The following HS6ST3 variants were observed in gnomAD, a reference collection of about 807,000 sequenced individuals.
HS6ST3 encodes the protein heparan sulfate 6-O-sulfotransferase 3.
Under a neutral mutation model 36.7 loss-of-function variants are expected in HS6ST3, and 12 were observed. That is an observed-to-expected ratio of 0.33 (90% CI 0.21 to 0.53). HS6ST3 has a LOEUF of 0.53. Ranked by LOEUF, HS6ST3 falls within the 20% of genes least tolerant of loss-of-function variation. The pLI is 0.95. For missense variants in HS6ST3, 584 were observed against 640.9 expected (o/e 0.91, Z 0.96); for synonymous variants, 240 against 257.5 (o/e 0.93, Z 0.65).
At chr13:96,480,301 A>T (rs968130421) in intron 1 of HS6ST3, among the ~76,000 whole-genome samples, 1 of 151,992 alleles carries the variant, frequency 6.6e-6, no homozygotes, top group Non-Finnish European at 1.5e-5. Flanking sequence ...TTTAGTAGAG[A>T]TGCGGTTTCA....
intron 1 of HS6ST3, among the ~76,000 whole-genome samples, chr13:96,416,352 A>G (rs2055532829): frequency 6.6e-6 from 1 of 152,202 alleles, no homozygotes; most frequent in Non-Finnish European, 1.5e-5. Context: ...ATCATTTGCA[A>G]ACTTGGAATG....
At chr13:96,782,676 A>T (rs184490971) in intron 1 of HS6ST3, among the ~76,000 whole-genome samples, 2 of 152,228 alleles carry the variant, frequency 1.3e-5, no homozygotes, top group East Asian at 3.9e-4. Flanking sequence ...AAAATTATCC[A>T]TACTAAGATT....
At chr13:96,275,195 G>C (rs1165974437) in intron 1 of HS6ST3, among the ~76,000 whole-genome samples, 1 of 152,108 alleles carries the variant, frequency 6.6e-6, no homozygotes, top group African/African-American at 2.4e-5. Flanking sequence ...ATGACGATGG[G>C]TTCCTTTCCA....
chr13:96,249,348 G>A (rs1005195417), intron 1 of HS6ST3, among the ~76,000 whole-genome samples: 1 of 152,028 alleles, frequency 6.6e-6, no homozygotes. Context: ...TGAAACCTGA[G>A]AAAAAAGATT....
At chr13:96,604,486 C>T (rs113905273) in intron 1 of HS6ST3, among the ~76,000 whole-genome samples, 1,905 of 152,154 alleles carry the variant, frequency 0.013, 40 homozygotes, top group African/African-American at 0.044. Flanking sequence ...TTATCAGATA[C>T]ATTTGTTTTG....
At chr13:96,540,177 C>G (rs2056172423) in intron 1 of HS6ST3, among the ~76,000 whole-genome samples, 1 of 152,146 alleles carries the variant, frequency 6.6e-6, no homozygotes, top group Non-Finnish European at 1.5e-5. Flanking sequence ...ATGGTGAGCA[C>G]TGCTCTACAC....
At chr13:96,561,529 G>A (rs2056262059) in intron 1 of HS6ST3, among the ~76,000 whole-genome samples, 2 of 152,002 alleles carry the variant, frequency 1.3e-5, no homozygotes, top group Non-Finnish European at 1.5e-5. Flanking sequence ...AACAAAAATT[G>A]ACAAGTGGGA....
chr13:96,783,767 T>G (rs918715431), intron 1 of HS6ST3, among the ~76,000 whole-genome samples: 6 of 152,018 alleles, frequency 3.9e-5, no homozygotes, highest in Non-Finnish European at 1.5e-5. Flanking sequence ...AGATAAGATG[T>G]GATTCAACAG....
At chr13:96,473,930 C>A (rs1309572161) in intron 1 of HS6ST3, among the ~76,000 whole-genome samples, 1 of 152,168 alleles carries the variant, frequency 6.6e-6, no homozygotes, top group Non-Finnish European at 1.5e-5. Flanking sequence ...ATGTGAATTT[C>A]TTTCCAGTCT....
intron 1 of HS6ST3, among the ~76,000 whole-genome samples, chr13:96,442,505 T>G (rs2139480950): frequency 6.6e-6 from 1 of 152,296 alleles, no homozygotes; most frequent in African/African-American, 2.4e-5. Context: ...TGGTAAATTA[T>G]CAATCAGGAA....
intron 1 of HS6ST3, among the ~76,000 whole-genome samples, chr13:96,396,116 C>T (rs949362469): frequency 1.3e-4 from 20 of 152,126 alleles, no homozygotes; most frequent in Middle Eastern, 3.4e-3. Context: ...GAGTTCAAGA[C>T]GAGCCTGGCC....
At chr13:96,325,829 T>G (rs1275650423) in intron 1 of HS6ST3, among the ~76,000 whole-genome samples, 1 of 152,232 alleles carries the variant, frequency 6.6e-6, no homozygotes. Flanking sequence ...TCCACTTAAA[T>G]TGACAGACTT....
At chr13:96,165,693 G>A (rs1233828912) in intron 1 of HS6ST3, among the ~76,000 whole-genome samples, 3 of 152,184 alleles carry the variant, frequency 2.0e-5, no homozygotes, top group Admixed American at 6.5e-5. Context: ...AAGAGACCAA[G>A]CAAACTACAG....
In HS6ST3 at chr13:96,166,571, C is replaced by CTTTCTTTTTTTTT. The variant is rs1439611910; in HGVS notation, c.707+75006_707+75018dup. Among the ~76,000 whole-genome samples the CTTTCTTTTTTTTT allele has an allele frequency of 7.4e-3, 1,038 of 140,460 alleles. 14 individuals are homozygous for CTTTCTTTTTTTTT. Among genetic ancestry groups the CTTTCTTTTTTTTT allele is most frequent in the African/African-American group, 0.026 (995 of 37,584 alleles). The allele number at this position is 140,460 out of a possible 152,430, so 92.1% of individuals were successfully genotyped here. On this transcript the variant is annotated intron_variant, in intron 1 of 1. Transcript: ENST00000376705. ...CTTTTTTGCTTTTCTTTCTTTCTTT[C>CTTTCTTTTTTTTT]TTTCTTTTTTTTTTTTTTTTTGTAG...
At chr13:96,464,381 T>A (rs2055802026) in intron 1 of HS6ST3, among the ~76,000 whole-genome samples, 1 of 152,050 alleles carries the variant, frequency 6.6e-6, no homozygotes, top group Admixed American at 6.6e-5. Flanking sequence ...AAGGACATTT[T>A]CCTTGGCAAC....
chr13:96,832,417 TA>T, intron 1 of HS6ST3, 72 bp from the exon 2 acceptor site: 2 of 1,156,794 alleles, frequency 1.7e-6, no homozygotes, highest in South Asian at 1.6e-5. Context: ...AATGCCGATG[TA>T]AAATTATAAA....
chr13:96,715,982 T>A (rs545575527), intron 1 of HS6ST3, among the ~76,000 whole-genome samples: 67 of 152,218 alleles, frequency 4.4e-4, no homozygotes, highest in African/African-American at 1.5e-3. Context: ...TATTCCATAA[T>A]CATCGTATAA....
In HS6ST3 at chr13:96,454,576, G is replaced by A. The variant is rs74599812; in HGVS notation, c.707+363007G>A. Among the ~76,000 whole-genome samples, 222 of 152,060 alleles carry A rather than the reference G, an allele frequency of 1.5e-3. 2 individuals are homozygous for A. The highest frequency in any genetic ancestry group is 5.3e-3 in the African/African-American group (218 of 41,462). ...ACACTAAAATCTGCTCATGTGTGAT[G>A]CTGTCTTCACTTGGAAGGGCGTTTG... On this transcript the variant is annotated intron_variant, in intron 1 of 1. Coordinates refer to ENST00000376705, the MANE Select transcript of HS6ST3 (RefSeq NM_153456.4).
intron 1 of HS6ST3, among the ~76,000 whole-genome samples, chr13:96,708,089 C>T (rs1875471653): frequency 6.6e-6 from 1 of 152,148 alleles, no homozygotes; most frequent in Non-Finnish European, 1.5e-5. Flanking sequence ...GATTTGTGAA[C>T]CTTTCAGCCA....
Sources: allele counts gnomAD v4.1 joint callset (sites outside exome capture counted in the v4.1 genomes callset), GRCh38; gene constraint gnomAD v4.1.1; transcripts MANE v1.5; gene names NCBI Gene and HGNC (gene_info 2026-07-23, HGNC 2026-07-21).